Variants in TXNRD2 observed in about 807,000 individuals in gnomAD.
TXNRD2 encodes thioredoxin reductase 2.
A neutral mutation model predicts 70.8 loss-of-function variants in TXNRD2; 67 were observed. The observed-to-expected ratio is 0.95, with a 90% CI of 0.78 to 1.16. The LOEUF is 1.16. Among genes scored for constraint, TXNRD2 ranks in the 50% most tolerant of loss-of-function variants. The pLI, the probability that TXNRD2 is intolerant of heterozygous loss-of-function variation, is 0.00. For missense variants in TXNRD2, 644 were observed against 719.9 expected, an observed-to-expected ratio of 0.89 and a Z score of 1.21; for synonymous variants, 301 against 295.8, an observed-to-expected ratio of 1.02 and a Z score of -0.18.
At chr22:19,915,715 G>T in intron 6 of TXNRD2, 50 bp downstream of exon 6, 1 of 1,543,184 alleles carries the variant, frequency 6.5e-7, no homozygotes, top group Non-Finnish European at 9.0e-7. Context: ...TGGTGCCCAA[G>T]GTCTGCAGAA....
intron 11 of TXNRD2, among the ~76,000 whole-genome samples, chr22:19,890,484 C>A (rs977668472): frequency 6.6e-6 from 1 of 152,200 alleles, no homozygotes; most frequent in African/African-American, 2.4e-5. Flanking sequence ...CCCATCCCCA[C>A]CGGGAAGAGC....
chr22:19,909,827 C>T (rs1447303703), intron 8 of TXNRD2, among the ~76,000 whole-genome samples: 1 of 127,708 alleles, frequency 7.8e-6, no homozygotes, highest in African/African-American at 3.1e-5. Flanking sequence ...ACACACCACA[C>T]ACCACACACA....
At chr22:19,933,092 C>T (rs1012222758) in intron 1 of TXNRD2, among the ~76,000 whole-genome samples, 11 of 152,240 alleles carry the variant, frequency 7.2e-5, no homozygotes, top group Admixed American at 1.3e-4. Flanking sequence ...TGGCCTGCAG[C>T]GAGCCTGCCC....
At chr22:19,914,407 T>C (rs1940542685) in intron 7 of TXNRD2, among the ~76,000 whole-genome samples, 1 of 152,226 alleles carries the variant, frequency 6.6e-6, no homozygotes, top group African/African-American at 2.4e-5. Context: ...TGGAATAGTA[T>C]CTAGCCATAA....
intron 2 of TXNRD2, among the ~76,000 whole-genome samples, chr22:19,920,587 AAG>A (rs1487191865): frequency 8.3e-6 from 1 of 121,206 alleles, no homozygotes; most frequent in African/African-American, 3.6e-5. Context: ...TGTCTCAAAA[AAG>A]AAAGAAAGAA....
chr22:19,930,019 C>T (rs554355108), intron 2 of TXNRD2, among the ~76,000 whole-genome samples: 2 of 152,256 alleles, frequency 1.3e-5, no homozygotes, highest in Admixed American at 6.5e-5. Context: ...CCCAGGTGCC[C>T]GGTCTGCTAA....
intron 8 of TXNRD2, among the ~76,000 whole-genome samples, chr22:19,900,988 G>T (rs932813605): frequency 6.6e-6 from 1 of 152,202 alleles, no homozygotes; most frequent in East Asian, 1.9e-4. Context: ...GCCCCTGCAC[G>T]TCAGGGCCTT....
intron 1 of TXNRD2, chr22:19,932,380 T>A (rs1601483718): frequency 1.2e-6 from 2 of 1,612,534 alleles, no homozygotes; most frequent in African/African-American, 2.7e-5. Flanking sequence ...GGTGGCTCAC[T>A]GCACATAGTG....
intron 8 of TXNRD2, among the ~76,000 whole-genome samples, chr22:19,906,245 C>T (rs187349221): frequency 1.7e-4 from 26 of 152,206 alleles, no homozygotes; most frequent in East Asian, 7.7e-4. Flanking sequence ...GGCTGTGACA[C>T]GAGGCTTTTC....
At chr22:19,876,811 G>A (rs1325394890) in intron 17 of TXNRD2, 1 of 310,968 alleles carries the variant, frequency 3.2e-6, no homozygotes, top group African/African-American at 2.1e-5. Flanking sequence ...CTGTGTGTGG[G>A]GAGCAGCTGT....
intron 7 of TXNRD2, among the ~76,000 whole-genome samples, chr22:19,912,471 C>T (rs1299938614): frequency 6.6e-6 from 1 of 152,208 alleles, no homozygotes; most frequent in African/African-American, 2.4e-5. Context: ...AGGTGCAGAG[C>T]AGGGCCGGGC....
At chr22:19,888,807 C>G (rs2145952515) in intron 11 of TXNRD2, among the ~76,000 whole-genome samples, 1 of 152,314 alleles carries the variant, frequency 6.6e-6, no homozygotes. Context: ...GCACCTTGGA[C>G]CAGGCACAGA....
At chr22:19,885,964 A>C (rs961069056) in intron 11 of TXNRD2, among the ~76,000 whole-genome samples, 2 of 152,268 alleles carry the variant, frequency 1.3e-5, no homozygotes, top group Non-Finnish European at 2.9e-5. Flanking sequence ...ACTCTTCCGC[A>C]CATGCTCTGT....
intron 1 of TXNRD2, among the ~76,000 whole-genome samples, chr22:19,933,902 GT>G (rs1228771199): frequency 6.6e-6 from 1 of 152,216 alleles, no homozygotes; most frequent in Non-Finnish European, 1.5e-5. Context: ...GCAAGTGTCT[GT>G]CTTGCCTCTG....
At chr22:19,919,284 C>T (rs1477853956) in intron 3 of TXNRD2, among the ~76,000 whole-genome samples, 1 of 150,074 alleles carries the variant, frequency 6.7e-6, no homozygotes, top group Non-Finnish European at 1.5e-5. Context: ...TAGCCTCGAA[C>T]TCCTGGGCTC....
chr22:19,878,225 G>A, intron 15 of TXNRD2, 38 bp from the exon 16 acceptor site: 1 of 1,606,060 alleles, frequency 6.2e-7, no homozygotes. Flanking sequence ...CCCAGGAGGG[G>A]GCTGGGTTGC....
chr22:19,925,211 G>T (rs1210068943), intron 2 of TXNRD2, among the ~76,000 whole-genome samples: 1 of 151,882 alleles, frequency 6.6e-6, no homozygotes, highest in Non-Finnish European at 1.5e-5. Flanking sequence ...GCAAACCCGG[G>T]AGGCAGAGCT....
chr22:19,895,188 G>T, intron 11 of TXNRD2: 2 of 1,598,416 alleles, frequency 1.3e-6, no homozygotes, highest in Non-Finnish European at 1.7e-6. Context: ...GAGACACGCA[G>T]AGATGCAAGG....
At chr22:19,909,160 C>G (rs1018641428) in intron 8 of TXNRD2, among the ~76,000 whole-genome samples, 2 of 148,930 alleles carry the variant, frequency 1.3e-5, no homozygotes, top group African/African-American at 5.0e-5. Flanking sequence ...GAGCCGAGAT[C>G]GCACCACTGC....
Sources: allele counts gnomAD v4.1 joint callset (sites outside exome capture counted in the v4.1 genomes callset), GRCh38; gene constraint gnomAD v4.1.1; transcripts MANE v1.5; gene names NCBI Gene and HGNC (gene_info 2026-07-23, HGNC 2026-07-21).